The following HMCN2 variants were observed in gnomAD, a reference collection of about 807,000 sequenced individuals.
HMCN2 encodes the protein hemicentin-2.
A neutral mutation model predicts 377.5 loss-of-function variants in HMCN2; 325 were observed. That is an observed-to-expected ratio of 0.86 (90% CI 0.79 to 0.94). The LOEUF (loss-of-function observed/expected upper bound fraction) is 0.94, where lower values mean the gene tolerates loss of function less well. Among genes scored for constraint, HMCN2 ranks in the 40% least tolerant of loss-of-function variants. The pLI is 0.00. For synonymous variants in HMCN2, 2,007 were observed against 2,046.8 expected (o/e 0.98, Z 0.53); for missense variants, 4,543 against 4,725.3 (o/e 0.96, Z 1.13).
At position 130,383,861 on chromosome 9, in the gene HMCN2, G is replaced by A. The variant is rs185809210; in HGVS notation, c.8830+261G>A. The stretch of plus-strand genomic sequence containing the variant: ...TGAGCACTTACTGTGTACCTGACAC[G>A]AGGCTGAGCACTTTCCCTGGGCTGA... On this transcript the variant is annotated intron_variant, in intron 57 of 97. Transcript: ENST00000683500. 2.2e-4 allele frequency among the ~76,000 whole-genome samples: 33 copies of A among 152,320 alleles called. 1 individual carries two copies. Among genetic ancestry groups the A allele is most frequent in the African/African-American group, 5.5e-4 (23 of 41,564 alleles).
At chr9:130,298,742 A>C (rs1373198349) in intron 7 of HMCN2, among the ~76,000 whole-genome samples, 1 of 151,818 alleles carries the variant, frequency 6.6e-6, no homozygotes, top group African/African-American at 2.4e-5. Context: ...GGACAGTTCT[A>C]CTCCATGGGA....
Position 130,349,406 on chromosome 9 carries a change from G to T in HMCN2, c.4304-131G>T, listed in dbSNP as rs975015604. On this transcript the variant is annotated intron_variant, in intron 28 of 97. Transcript: ENST00000683500. ...AGCAAGCCCTTCTGGCCAGGGTTTT[G>T]GGGGGCTTCCCAGGAAGGTCAGGTA... 70 of 1,089,050 alleles carry T rather than the reference G, an allele frequency of 6.4e-5. No individual in the cohort carries two copies. The Admixed American group carries it at 7.0e-4, about 11-fold the overall frequency. 67.5% of individuals were successfully genotyped at this position (1,089,050 alleles called of 1,614,324 possible). A position where few individuals can be genotyped will look rare whatever the true frequency, so the allele number is the denominator to read the frequency against.
At chr9:130,322,306 C>A (rs1385152882) in intron 19 of HMCN2, among the ~76,000 whole-genome samples, 2 of 147,046 alleles carry the variant, frequency 1.4e-5, no homozygotes, top group Non-Finnish European at 3.0e-5. Flanking sequence ...AATTATCTAT[C>A]ATCTATCTAT....
At chr9:130,333,320 C>A (rs1310575846) in intron 22 of HMCN2, among the ~76,000 whole-genome samples, 2 of 152,070 alleles carry the variant, frequency 1.3e-5, no homozygotes, top group Non-Finnish European at 2.9e-5. Context: ...TCCCTGAGTG[C>A]AGCAAAGGTG....
rs564203519 is a variant in HMCN2, at chr9:130,397,624, C to T, written c.11295C>T (p.Ser3765=). Residue 3765 remains serine, a synonymous_variant, in exon 74 of 98, where the codon TCC becomes TCT. Coordinates refer to ENST00000683500, the MANE Select transcript of HMCN2 (RefSeq NM_001291815.2). Reference sequence around the variant, plus strand: ...GCCTGGCATCCAACTCTGCTGGCTCCGATCGTCAAGGCCGTGACCTACGGG... The same window carrying T: ...GCCTGGCATCCAACTCTGCTGGCTCTGATCGTCAAGGCCGTGACCTACGGG... ...YLCLASNSAG[S]DRQGRDLRVL... is the part of the protein sequence containing the mutation. 1.9e-5 allele frequency: 25 copies of T among 1,289,814 alleles called. No homozygotes were observed. Among genetic ancestry groups the T allele is most frequent in the African/African-American group, 7.6e-5 (5 of 65,984 alleles). The allele number at this position is 1,289,814 out of a possible 1,614,324, so 79.9% of individuals were successfully genotyped here. A position where few individuals can be genotyped will look rare whatever the true frequency, so the allele number is the denominator to read the frequency against.
chr9:130,306,420 A>G (rs1034964492), intron 12 of HMCN2, 150 bp downstream of exon 12: 1 of 382,526 alleles, frequency 2.6e-6, no homozygotes, highest in African/African-American at 2.1e-5. Flanking sequence ...CCAGAGTGAG[A>G]TCACTTTGGA....
chr9:130,365,589 T>G, intron 41 of HMCN2, 42 bp from the exon 42 acceptor site: 1 of 921,590 alleles, frequency 1.1e-6, no homozygotes, highest in South Asian at 5.0e-5. Context: ...CTCACCCATC[T>G]CTGTGCGTCC....
At chr9:130,403,042 G>C (rs535427415) in intron 78 of HMCN2, 146 bp downstream of exon 78, 1 of 1,029,762 alleles carries the variant, frequency 9.7e-7, no homozygotes, top group East Asian at 6.1e-5. Flanking sequence ...GGCAGGAAAA[G>C]AATCAGCCAT....
Position 130,427,547 on chromosome 9 carries a change from A to G in HMCN2, c.13993A>G (p.Asn4665Asp), listed in dbSNP as rs1844452130. Residue 4665 changes from asparagine (N) to aspartate (D), a missense_variant, in exon 92 of 98, where the codon AAT becomes GAT. Asn to Asp is a conservative substitution (Grantham distance 23, BLOSUM62 1). Coordinates refer to ENST00000683500, the MANE Select transcript of HMCN2 (RefSeq NM_001291815.2). ...GPSPCSHACLNAPGRFSCTCP... is the reference protein window; with the variant it reads ...GPSPCSHACLDAPGRFSCTCP... ...TAGCCCCTGCTCCCATGCCTGCCTT[A>G]ATGCACCCGGCCGCTTCTCCTGCAC... The G allele has an allele frequency of 6.5e-7, 1 of 1,550,226 alleles. No individual in the cohort carries two copies. The highest frequency in any genetic ancestry group is 1.4e-5 in the African/African-American group (1 of 73,006).
At chr9:130,280,490 A>G (rs1248711061) in intron 1 of HMCN2, among the ~76,000 whole-genome samples, 1 of 151,938 alleles carries the variant, frequency 6.6e-6, no homozygotes, top group Non-Finnish European at 1.5e-5. Context: ...GTTTTAAGGC[A>G]TGAAGTTTCT....
At chr9:130,286,548 C>T (rs1380584464) in intron 4 of HMCN2, among the ~76,000 whole-genome samples, 1 of 152,260 alleles carries the variant, frequency 6.6e-6, no homozygotes, top group Non-Finnish European at 1.5e-5. Context: ...AAGGCAGGTG[C>T]TTCCGTGTTT....
Position 130,424,921 on chromosome 9 carries a change from G to T in HMCN2, c.13519+8G>T. On this transcript the variant is annotated splice_region_variant and intron_variant, in intron 88 of 97. Coordinates refer to ENST00000683500, the MANE Select transcript of HMCN2 (RefSeq NM_001291815.2). ...ACGTGGAGTTTGCTACAGGTAAACA[G>T]GGCCTCCCCCAGGTGGGCCAGGTAG... is the stretch of plus-strand genomic sequence containing the variant. 1.4e-6 allele frequency: 2 copies of T among 1,463,216 alleles called. No individual in the cohort carries two copies. The highest frequency in any genetic ancestry group is 1.4e-5 in the South Asian group (1 of 70,658). The allele number at this position is 1,463,216 out of a possible 1,614,324, so 90.6% of individuals were successfully genotyped here. A position where few individuals can be genotyped will look rare whatever the true frequency, so the allele number is the denominator to read the frequency against.
intron 83 of HMCN2, 48 bp downstream of exon 83, chr9:130,407,753 T>C (rs1843179788): frequency 8.6e-7 from 1 of 1,160,166 alleles, no homozygotes; most frequent in Admixed American, 4.0e-5. Flanking sequence ...CTCCAGTCTA[T>C]TGGGACCCAA....
intron 36 of HMCN2, 34 bp downstream of exon 36, chr9:130,358,520 A>G (rs1840174640): frequency 7.7e-7 from 1 of 1,304,308 alleles, no homozygotes; most frequent in African/African-American, 1.5e-5. Flanking sequence ...GGCCCAGGCC[A>G]GCATGTTGGG....
intron 66 of HMCN2, among the ~76,000 whole-genome samples, chr9:130,392,528 T>C (rs1842371243): frequency 6.6e-6 from 1 of 152,054 alleles, no homozygotes; most frequent in Non-Finnish European, 1.5e-5. Context: ...TCCAGTGAGC[T>C]CTGAGGGCAA....
chr9:130,324,357 T>A (rs1244691887), intron 19 of HMCN2, among the ~76,000 whole-genome samples: 8 of 152,166 alleles, frequency 5.3e-5, no homozygotes, highest in Non-Finnish European at 1.2e-4. Context: ...TTATTCCTTT[T>A]AAAAAAACAG....
chr9:130,332,799 C>T (rs1187308357), intron 22 of HMCN2, among the ~76,000 whole-genome samples: 8 of 152,204 alleles, frequency 5.3e-5, no homozygotes, highest in Non-Finnish European at 7.3e-5. Flanking sequence ...GGCTGGCGTC[C>T]ACTAGTGCAT....
rs575152546 is a variant in HMCN2 at position 130,429,585 on chromosome 9, C to A, written c.14226C>A (p.Asp4742Glu). ...TGGACGAATGCCTGGAGGGGTTGGACGACTGTCACTACAACCAGCTCTGCG... is the reference window on the plus strand; with the variant it reads ...TGGACGAATGCCTGGAGGGGTTGGAAGACTGTCACTACAACCAGCTCTGCG... ...EDVDECLEGL[D>E]DCHYNQLCEN... is the part of the protein sequence containing the mutation. Residue 4742 changes from aspartate (D) to glutamate (E), a missense_variant, in exon 94 of 98, where the codon GAC (aspartate) becomes GAA (glutamate). By Grantham distance (45) the Asp-to-Glu change is conservative. Coordinates refer to ENST00000683500, the MANE Select transcript of HMCN2 (RefSeq NM_001291815.2). 74 of 1,550,422 alleles carry A rather than the reference C, an allele frequency of 4.8e-5. 1 individual carries two copies. In the South Asian group the frequency reaches 8.7e-4, roughly 18 times the overall value.
At chr9:130,282,657 A>T (rs539621288) in intron 1 of HMCN2, among the ~76,000 whole-genome samples, 1 of 152,364 alleles carries the variant, frequency 6.6e-6, no homozygotes, top group East Asian at 1.9e-4. Flanking sequence ...GGCATGCTGG[A>T]TAATTCTACA....
Sources: gnomAD v4.1 joint callset for allele counts (sites outside exome capture counted in the v4.1 genomes callset) on GRCh38, gnomAD v4.1.1 for gene constraint, MANE v1.5 for transcripts, NCBI Gene and HGNC (gene_info 2026-07-23, HGNC 2026-07-21) for gene names.